Variants in ATP2B3 observed in about 807,000 individuals in gnomAD.
The protein encoded by ATP2B3 is plasma membrane calcium-transporting ATPase 3.
A neutral mutation model predicts 70.8 loss-of-function variants in ATP2B3; 12 were observed. The observed-to-expected ratio is 0.17, with a 90% CI of 0.11 to 0.27. The LOEUF (loss-of-function observed/expected upper bound fraction) is 0.27. ATP2B3 is among the 10% of genes least tolerant of loss of function. ATP2B3 has a pLI of 1.00. For missense variants in ATP2B3, 858 were observed against 1,118.5 expected (o/e 0.77, Z 3.32); for synonymous variants, 460 against 497.8 (o/e 0.92, Z 1.01).
chrX:153,569,743 C>G, intron 21 of ATP2B3: 1 of 1,211,330 alleles, frequency 8.3e-7, no homozygotes, highest in Non-Finnish European at 1.1e-6. Flanking sequence ...CCAATCCTAC[C>G]AGTGCTGCTG....
intron 8 of ATP2B3, 111 bp downstream of exon 8, chrX:153,546,240 T>C: frequency 1.1e-6 from 1 of 950,554 alleles, no homozygotes; most frequent in Non-Finnish European, 1.5e-6. Context: ...GAGCAACACT[T>C]GGAGACCAGG....
chrX:153,527,106 G>GC (rs1389502680), intron 2 of ATP2B3, among the ~76,000 whole-genome samples: 1 of 112,499 alleles, frequency 8.9e-6, no homozygotes, highest in African/African-American at 3.2e-5. Context: ...ACCTATTTAG[G>GC]CCCCGACGGC....
In ATP2B3 at chrX:153,574,702, C is replaced by T. The variant is rs1026554619; in HGVS notation, c.3343-5276C>T. On this transcript the variant is annotated intron_variant, in intron 21 of 21. Transcript: ENST00000263519. ...TCCTTCGCTTGTCTCCCTGCTTCTG[C>T]GGCCCTTCTCCACCCTCATCCTCCT... The T allele has an allele frequency of 1.6e-4, 48 of 302,174 alleles. 1 individual carries two copies. The Middle Eastern group carries it at 2.8e-3, about 17-fold the overall frequency. The allele number at this position is 302,174 out of a possible 1,213,427, so 24.9% of individuals were successfully genotyped here.
intron 17 of ATP2B3, chrX:153,559,475 T>C (rs919358426): frequency 3.3e-5 from 13 of 397,523 alleles, no homozygotes; most frequent in African/African-American, 7.5e-5. Flanking sequence ...TTTTGTGGTC[T>C]GGGGTTTTTC....
chrX:153,548,571 C>A, intron 9 of ATP2B3, 69 bp from the exon 10 acceptor site: 1 of 978,174 alleles, frequency 1.0e-6, no homozygotes, highest in Non-Finnish European at 1.4e-6. Context: ...ACCTCTTCTT[C>A]CCTCTTCCTG....
chrX:153,580,187 C>T lies in ATP2B3; in HGVS notation c.3552C>T (p.Asn1184=), dbSNP rs138503799. The change falls in exon 22 of 22, where the codon AAC becomes AAT. Residue 1184 remains asparagine (N), a synonymous_variant. Transcript: ENST00000263519. The part of the protein sequence containing the change: ...PPPPSPNQNN[N]AIDSGIYLTT... ...CCCCGTCCCCCAACCAGAACAACAACGCCATAGACAGCGGCATCTACCTGA... is the reference window on the plus strand; with the variant it reads ...CCCCGTCCCCCAACCAGAACAACAATGCCATAGACAGCGGCATCTACCTGA... 1,358 of 1,187,288 alleles carry T rather than the reference C, an allele frequency of 1.1e-3. 2 individuals are homozygous for T. The highest frequency in any genetic ancestry group is 1.5e-3 in the Non-Finnish European group (1,285 of 879,824).
rs1557016012 is a variant in ATP2B3, at chrX:153,560,821, C to T, written c.2985C>T (p.Asn995=). 8.3e-7 allele frequency: 1 copy of T among 1,212,053 alleles called. No individual in the cohort carries two copies. The highest frequency in any genetic ancestry group is 1.1e-6 in the Non-Finnish European group (1 of 895,583). ...CCCGCAAGATCCACGGCGAGAGGAA[C>T]GTGTTCGACGGCATCTTCAGCAACC... ...INARKIHGER[N]VFDGIFSNPI... Residue 995 remains asparagine, a synonymous_variant, in exon 19 of 22, where the codon AAC becomes AAT. Coordinates refer to ENST00000263519, the MANE Select transcript of ATP2B3 (RefSeq NM_001001344.3).
Position 153,580,227 on chromosome X carries a change from A to C in ATP2B3, c.3592A>C (p.Lys1198Gln). ...SGIYLTTHVTKSATSSVFSSS... is the reference protein window; with the variant it reads ...SGIYLTTHVTQSATSSVFSSS... Reference sequence around the variant, plus strand: ...CATCTACCTGACCACGCATGTCACCAAGTCAGCTACCTCTTCAGTGTTTTC... The same window carrying C: ...CATCTACCTGACCACGCATGTCACCCAGTCAGCTACCTCTTCAGTGTTTTC... Residue 1198 changes from lysine (K) to glutamine (Q), a missense_variant, in exon 22 of 22, where the codon AAG (lysine) becomes CAG (glutamine). This residue lies in a region of ATP2B3 where 265 missense variants were observed against 305.3 expected (regional missense o/e 0.87). Coordinates refer to ENST00000263519, the MANE Select transcript of ATP2B3 (RefSeq NM_001001344.3). 8.4e-7 allele frequency: 1 copy of C among 1,197,067 alleles called. No individual in the cohort carries two copies. Among genetic ancestry groups the C allele is most frequent in the Non-Finnish European group, 1.1e-6 (1 of 889,877 alleles).
chrX:153,569,871 GTTCT>G (rs2090763137), intron 21 of ATP2B3: 1 of 888,424 alleles, frequency 1.1e-6, no homozygotes, highest in Non-Finnish European at 1.6e-6. Flanking sequence ...TGGCTTTTCT[GTTCT>G]TTCTTTACCG....
At chrX:153,531,360 TCTGGG>T (rs1286072093) in intron 2 of ATP2B3, among the ~76,000 whole-genome samples, 2 of 113,129 alleles carry the variant, frequency 1.8e-5, no homozygotes, top group African/African-American at 6.4e-5. Flanking sequence ...GCTTTTCCTC[TCTGGG>T]TTCTGCCGGG....
intron 18 of ATP2B3, 109 bp downstream of exon 18, chrX:153,560,051 G>C: frequency 2.4e-6 from 2 of 816,971 alleles, no homozygotes; most frequent in Non-Finnish European, 3.5e-6. Context: ...CCAGTACGGG[G>C]TGGGACGCTG....
intron 2 of ATP2B3, among the ~76,000 whole-genome samples, chrX:153,525,408 G>A (rs1489786262): frequency 5.3e-5 from 6 of 112,151 alleles, no homozygotes; most frequent in Admixed American, 1.9e-4. Context: ...GGACCAGCCC[G>A]GCAGTAACCG....
At position 153,581,154 on chromosome X, in the gene ATP2B3, C is replaced by T. The variant is rs1436540868; in HGVS notation, c.*856C>T. On this transcript the variant is annotated 3_prime_UTR_variant, in exon 22 of 22. Coordinates refer to ENST00000263519, the MANE Select transcript of ATP2B3 (RefSeq NM_001001344.3). ...TGGTCAACCCATTTTTGTCCCTCAT[C>T]ACCCCGCCCCCACCTTTCGCTCCTG... The T allele has an allele frequency of 3.7e-5, 4 of 107,612 alleles. No individual in the cohort carries two copies. Among genetic ancestry groups the T allele is most frequent in the Non-Finnish European group, 7.7e-5 (4 of 52,068 alleles). The allele number at this position is 107,612 out of a possible 1,213,427, so 8.9% of individuals were successfully genotyped here.
chrX:153,555,446 C>G (rs2124473413), intron 13 of ATP2B3, among the ~76,000 whole-genome samples: 1 of 111,736 alleles, frequency 8.9e-6, no homozygotes, highest in East Asian at 2.8e-4. Context: ...GGTTCCCAAA[C>G]TCTGAACCTG....
chrX:153,541,290 G>A, intron 3 of ATP2B3, 69 bp from the exon 4 acceptor site: 1 of 1,173,779 alleles, frequency 8.5e-7, no homozygotes, highest in South Asian at 1.8e-5. Flanking sequence ...CACATAGGAG[G>A]CCTGGGACAC....
intron 21 of ATP2B3, among the ~76,000 whole-genome samples, chrX:153,566,424 ACCAAGGG>A (rs2090708438): frequency 8.9e-6 from 1 of 112,299 alleles, no homozygotes; most frequent in African/African-American, 3.2e-5. Flanking sequence ...GTCACACATC[ACCAAGGG>A]CCTGTCCCAA....
chrX:153,524,831 C>A (rs202060481), intron 2 of ATP2B3, among the ~76,000 whole-genome samples: 2 of 112,084 alleles, frequency 1.8e-5, no homozygotes, highest in East Asian at 5.6e-4. Flanking sequence ...GTCCAGTGGA[C>A]TTCAGAACCA....
chrX:153,533,063 G>C (rs1377342164), intron 2 of ATP2B3: 1 of 111,380 alleles, frequency 9.0e-6, no homozygotes. Flanking sequence ...CCAGGATGGA[G>C]ACTCCACCTC....
chrX:153,547,749 G>C, intron 8 of ATP2B3, 86 bp from the exon 9 acceptor site: 1 of 1,050,948 alleles, frequency 9.5e-7, no homozygotes, highest in Non-Finnish European at 1.3e-6. Context: ...CTATGGTGTG[G>C]CATGTCTTTC....
Sources: gnomAD v4.1 joint callset for allele counts (sites outside exome capture counted in the v4.1 genomes callset) on GRCh38, gnomAD v4.1.1 for gene constraint, gnomAD v4.1.1 regional missense constraint, MANE v1.5 for transcripts, NCBI Gene and HGNC (gene_info 2026-07-23, HGNC 2026-07-21) for gene names.